The following APLF variants were observed in gnomAD, a reference collection of about 807,000 sequenced individuals.
The protein encoded by APLF is aprataxin and PNKP like factor.
Under a neutral mutation model 55.6 loss-of-function variants are expected in APLF, and 61 were observed. That is an observed-to-expected ratio of 1.10 (90% confidence interval 0.89 to 1.36). APLF has a LOEUF of 1.36. APLF is among the 40% of genes most tolerant of loss of function. The pLI is 0.00. For synonymous variants in APLF, 207 were observed against 214.8 expected (o/e 0.96, Z 0.32); for missense variants, 611 against 602.5 (o/e 1.01, Z -0.15).
At chr2:68,516,679 A>C (rs532445572) in intron 5 of APLF, among the ~76,000 whole-genome samples, 23 of 150,088 alleles carry the variant, frequency 1.5e-4, no homozygotes, top group Non-Finnish European at 3.1e-4. Context: ...TAAATGAGAA[A>C]ATACAATGTT....
chr2:68,478,777 G>A (rs1465138587), intron 1 of APLF, among the ~76,000 whole-genome samples: 1 of 152,182 alleles, frequency 6.6e-6, no homozygotes, highest in Non-Finnish European at 1.5e-5. Flanking sequence ...TGAGCACTGG[G>A]ATTTAAGGCA....
intron 3 of APLF, among the ~76,000 whole-genome samples, chr2:68,509,942 A>G (rs1426024714): frequency 1.3e-5 from 2 of 151,798 alleles, no homozygotes; most frequent in Non-Finnish European, 2.9e-5. Flanking sequence ...GCTGGAAACC[A>G]TCATTCTCAG....
chr2:68,531,048 A>G (rs7423646), intron 6 of APLF, among the ~76,000 whole-genome samples: 36,426 of 152,076 alleles, frequency 0.24, 7,046 homozygotes, highest in African/African-American at 0.54. Flanking sequence ...TGATGGGATA[A>G]TTCTTAAGAG....
At chr2:68,518,731 A>AATAAAATAT (rs1669759827) in intron 5 of APLF, among the ~76,000 whole-genome samples, 1 of 126,044 alleles carries the variant, frequency 7.9e-6, no homozygotes, top group Non-Finnish European at 1.6e-5. Flanking sequence ...TCATTAATAT[A>AATAAAATAT]TCATGAATAT....
intron 8 of APLF, among the ~76,000 whole-genome samples, chr2:68,566,748 A>T (rs1671322100): frequency 6.6e-6 from 1 of 152,110 alleles, no homozygotes; most frequent in Admixed American, 6.6e-5. Flanking sequence ...AATAGAAGGG[A>T]TCATAAGTAC....
chr2:68,545,619 T>C (rs78664532), intron 8 of APLF, among the ~76,000 whole-genome samples: 5,911 of 152,250 alleles, frequency 0.039, 134 homozygotes, highest in African/African-American at 0.054. Flanking sequence ...CTGTATGTCC[T>C]AGGTGTGACA....
intron 3 of APLF, among the ~76,000 whole-genome samples, chr2:68,510,869 C>CTTG (rs1677028579): frequency 6.6e-6 from 1 of 151,696 alleles, no homozygotes; most frequent in Non-Finnish European, 1.5e-5. Context: ...TTTACATATG[C>CTTG]TACAACACAG....
In APLF at chr2:68,528,238, G is replaced by A. The variant is rs1331929514; in HGVS notation, c.804+1996G>A. On this transcript the variant is annotated intron_variant, in intron 6 of 9. Coordinates refer to ENST00000303795, the MANE Select transcript of APLF (RefSeq NM_173545.3). Reference sequence around the variant, plus strand: ...ATTACAGGCGTGGGCCACCATGCCTGCCCTGCTGTCTCTTCTTTCTCCTCC... The same window carrying A: ...ATTACAGGCGTGGGCCACCATGCCTACCCTGCTGTCTCTTCTTTCTCCTCC... 5 of 1,216,902 alleles carry A rather than the reference G, an allele frequency of 4.1e-6. No homozygotes were observed. The South Asian group carries it at 5.2e-5, about 13-fold the overall frequency. 75.4% of individuals were successfully genotyped at this position (1,216,902 alleles called of 1,614,324 possible).
At chr2:68,546,624 T>C (rs144948007) in intron 8 of APLF, among the ~76,000 whole-genome samples, 1 of 151,886 alleles carries the variant, frequency 6.6e-6, no homozygotes, top group African/African-American at 2.4e-5. Context: ...AATAAATTCA[T>C]TTACCATGTC....
At chr2:68,490,658 T>G (rs930257613) in intron 2 of APLF, among the ~76,000 whole-genome samples, 29 of 152,220 alleles carry the variant, frequency 1.9e-4, no homozygotes, top group Non-Finnish European at 3.4e-4. Context: ...TGTATAGAGT[T>G]GAATATTTCT....
At chr2:68,550,511 C>G (rs1332705392) in intron 8 of APLF, among the ~76,000 whole-genome samples, 1 of 152,110 alleles carries the variant, frequency 6.6e-6, no homozygotes, top group Non-Finnish European at 1.5e-5. Flanking sequence ...GGATTACATG[C>G]GTGAGCCACC....
intron 1 of APLF, among the ~76,000 whole-genome samples, chr2:68,480,627 C>G (rs1363487266): frequency 6.6e-6 from 1 of 151,748 alleles, no homozygotes; most frequent in Non-Finnish European, 1.5e-5. Context: ...CCTAATTGCT[C>G]TGGCTAGGAC....
chr2:68,558,102 A>T (rs1326304219), intron 8 of APLF, among the ~76,000 whole-genome samples: 1 of 152,114 alleles, frequency 6.6e-6, no homozygotes, highest in Non-Finnish European at 1.5e-5. Context: ...CTCCGCTGTA[A>T]TTTTTTTAAA....
intron 8 of APLF, among the ~76,000 whole-genome samples, chr2:68,554,642 T>G (rs1670954957): frequency 6.6e-6 from 1 of 151,988 alleles, no homozygotes; most frequent in African/African-American, 2.4e-5. Flanking sequence ...TCCTAAGTTT[T>G]TTTTTTTTTT....
At chr2:68,477,433 G>A (rs1675815110) in intron 1 of APLF, among the ~76,000 whole-genome samples, 1 of 151,918 alleles carries the variant, frequency 6.6e-6, no homozygotes, top group African/African-American at 2.4e-5. Flanking sequence ...TGGAATTCAA[G>A]ATCAGCCTGG....
chr2:68,528,344 C>T (rs944309082), intron 6 of APLF: 43 of 1,512,746 alleles, frequency 2.8e-5, no homozygotes, highest in African/African-American at 2.6e-4. Flanking sequence ...CTGCTGGAGG[C>T]GTCCTTCTCT....
chr2:68,572,995 A>G (rs1671512284), intron 9 of APLF, among the ~76,000 whole-genome samples: 1 of 152,216 alleles, frequency 6.6e-6, no homozygotes, highest in Non-Finnish European at 1.5e-5. Context: ...TTAAATTGTA[A>G]AAGAAATATC....
At position 68,579,239 on chromosome 2, in the gene APLF, T is replaced by C; in HGVS notation, c.*1217T>C. 1.2e-6 allele frequency: 1 copy of C among 812,448 alleles called. No homozygotes were observed. The highest frequency in any genetic ancestry group is 1.5e-6 in the Non-Finnish European group (1 of 672,580). 50.3% of individuals were successfully genotyped at this position (812,448 alleles called of 1,614,324 possible). A position where few individuals can be genotyped will look rare whatever the true frequency, so the allele number is the denominator to read the frequency against. ...TACAATATTTAATATTTACTTAAACTGGAACAAGAATAAGATAAACATTTC... is the reference window on the plus strand; with the variant it reads ...TACAATATTTAATATTTACTTAAACCGGAACAAGAATAAGATAAACATTTC... On this transcript the variant is annotated 3_prime_UTR_variant, in exon 10 of 10. Transcript: ENST00000303795.
intron 2 of APLF, among the ~76,000 whole-genome samples, chr2:68,494,229 G>T (rs1676464697): frequency 7.9e-6 from 1 of 126,630 alleles, no homozygotes; most frequent in African/African-American, 3.0e-5. Context: ...AGTAAGCTGA[G>T]ATCGCACCAC....
Sources: gnomAD v4.1 joint callset for allele counts (sites outside exome capture counted in the v4.1 genomes callset) on GRCh38, gnomAD v4.1.1 for gene constraint, MANE v1.5 for transcripts, NCBI Gene and HGNC (gene_info 2026-07-23, HGNC 2026-07-21) for gene names.